MPRIP: variants seen among roughly 807,000 people sequenced by gnomAD.
MPRIP encodes myosin phosphatase Rho interacting protein.
A neutral mutation model predicts 234.9 loss-of-function variants in MPRIP; 59 were observed. The ratio of observed to expected loss-of-function variants is 0.25; its 90% CI spans 0.20 to 0.31. The LOEUF is 0.31. Ranked by LOEUF, MPRIP falls within the 10% of genes least tolerant of loss-of-function variation. MPRIP has a pLI of 1.00. For missense variants in MPRIP, 2,436 were observed against 3,071.0 expected (o/e 0.79, Z 4.89); for synonymous variants, 1,144 against 1,263.9 (o/e 0.91, Z 2.01).
chr17:17,084,673 T>C (rs2089545702), intron 3 of MPRIP, among the ~76,000 whole-genome samples: 1 of 152,142 alleles, frequency 6.6e-6, no homozygotes, highest in South Asian at 2.1e-4. Flanking sequence ...GGGTGGAAAA[T>C]AGGGCTTGCT....
chr17:17,108,487 TGA>T (rs1328091142), intron 3 of MPRIP, among the ~76,000 whole-genome samples: 1 of 152,242 alleles, frequency 6.6e-6, no homozygotes, highest in Admixed American at 6.5e-5. Context: ...GCCCTACATC[TGA>T]GAATTTAAAT....
chr17:17,092,802 A>G (rs981743298), intron 3 of MPRIP, among the ~76,000 whole-genome samples: 1 of 152,150 alleles, frequency 6.6e-6, no homozygotes, highest in Non-Finnish European at 1.5e-5. Context: ...GTAATGTCAA[A>G]GGACATCCAA....
chr17:17,175,470 A>G lies in MPRIP; in HGVS notation c.6870+58A>G, dbSNP rs781270464. 3.3e-6 allele frequency: 5 copies of G among 1,500,898 alleles called. No individual in the cohort carries two copies. In the East Asian group the frequency reaches 7.3e-5, roughly 22 times the overall value. 93.0% of individuals were successfully genotyped at this position (1,500,898 alleles called of 1,614,324 possible). ...GCTCTGCACCCAGGAACCCCAGGGG[A>G]GTGCAGCATGGCCCCTGTCTTACAG... On this transcript the variant is annotated intron_variant, in intron 20 of 23. Transcript: ENST00000651222.
chr17:17,071,838 G>C (rs937881056), intron 1 of MPRIP, among the ~76,000 whole-genome samples: 1 of 152,124 alleles, frequency 6.6e-6, no homozygotes, highest in East Asian at 1.9e-4. Context: ...AACAGGACTC[G>C]GGCCCCATCC....
At chr17:17,178,664 C>G (rs888496777) in intron 22 of MPRIP, 6 of 152,140 alleles carry the variant, frequency 3.9e-5, no homozygotes, top group African/African-American at 1.4e-4. Flanking sequence ...ACCTGTAATC[C>G]CAGCACTTTG....
At chr17:17,057,350 T>C (rs1035727306) in intron 1 of MPRIP, among the ~76,000 whole-genome samples, 26 of 152,366 alleles carry the variant, frequency 1.7e-4, no homozygotes, top group South Asian at 8.3e-4. Flanking sequence ...GTACACGCCT[T>C]CTTTCTTCCC....
chr17:17,086,612 T>C (rs2089596700), intron 3 of MPRIP, among the ~76,000 whole-genome samples: 1 of 152,102 alleles, frequency 6.6e-6, no homozygotes, highest in Non-Finnish European at 1.5e-5. Flanking sequence ...TTTAAGTTAT[T>C]TTGAAACACT....
chr17:17,103,708 G>T (rs546652574), intron 3 of MPRIP, among the ~76,000 whole-genome samples: 1 of 152,318 alleles, frequency 6.6e-6, no homozygotes, highest in Non-Finnish European at 1.5e-5. Flanking sequence ...CATCAGGGGT[G>T]GGGGCTGAAA....
At chr17:17,059,690 G>A (rs576644885) in intron 1 of MPRIP, among the ~76,000 whole-genome samples, 3 of 152,322 alleles carry the variant, frequency 2.0e-5, no homozygotes, top group Admixed American at 1.3e-4. Context: ...CTCCTTGTTG[G>A]TATTCCCAGA....
At chr17:17,073,839 A>G (rs2089261923) in intron 1 of MPRIP, among the ~76,000 whole-genome samples, 1 of 152,050 alleles carries the variant, frequency 6.6e-6, no homozygotes. Context: ...TGGGATTTCC[A>G]CCACATACTC....
chr17:17,141,197 A>C (rs576219879), intron 7 of MPRIP, among the ~76,000 whole-genome samples: 1 of 152,322 alleles, frequency 6.6e-6, no homozygotes, highest in South Asian at 2.1e-4. Flanking sequence ...AGTGTTGGGC[A>C]GAGGAGCCCT....
chr17:17,140,347 G>A (rs2090787009), intron 7 of MPRIP, among the ~76,000 whole-genome samples: 1 of 152,166 alleles, frequency 6.6e-6, no homozygotes, highest in Non-Finnish European at 1.5e-5. Flanking sequence ...TACTCTGCAT[G>A]CACTGCCACA....
intron 12 of MPRIP, among the ~76,000 whole-genome samples, chr17:17,151,733 A>G (rs140192024): frequency 3.3e-5 from 5 of 152,336 alleles, no homozygotes; most frequent in African/African-American, 9.6e-5. Flanking sequence ...GGAAATTCCA[A>G]GGTTTGGAAG....
intron 3 of MPRIP, among the ~76,000 whole-genome samples, chr17:17,124,516 G>A (rs1162607061): frequency 6.6e-6 from 1 of 152,182 alleles, no homozygotes; most frequent in African/African-American, 2.4e-5. Flanking sequence ...CAAGGACCAG[G>A]GTGGGAGTCA....
intron 3 of MPRIP, among the ~76,000 whole-genome samples, chr17:17,096,188 A>G (rs1259811953): frequency 1.3e-5 from 2 of 151,650 alleles, no homozygotes; most frequent in Non-Finnish European, 2.9e-5. Flanking sequence ...TTTCCATGCC[A>G]CTGTTCCCTG....
chr17:17,175,041 T>A (rs1195641727), intron 19 of MPRIP, among the ~76,000 whole-genome samples: 1 of 152,198 alleles, frequency 6.6e-6, no homozygotes, highest in Non-Finnish European at 1.5e-5. Context: ...ATGAGGCTGC[T>A]CAGGCAGGAC....
chr17:17,115,584 G>A (rs1336657505), intron 3 of MPRIP, among the ~76,000 whole-genome samples: 2 of 152,294 alleles, frequency 1.3e-5, no homozygotes, highest in South Asian at 2.1e-4. Context: ...TGTCTTTGAG[G>A]ATATTCACGT....
Position 17,158,554 on chromosome 17 carries a change from A to G in MPRIP, c.1952A>G (p.Glu651Gly), listed in dbSNP as rs1482802339. The change falls in exon 14 of 24, where the codon GAG (glutamate) becomes GGG (glycine). Residue 651 changes from glutamate (E) to glycine (G), a missense_variant. Glu to Gly is a moderately conservative substitution (Grantham distance 98, BLOSUM62 -2). This residue lies in a region of MPRIP where 1,998 missense variants were observed against 2,520.3 expected (regional missense o/e 0.79). Transcript: ENST00000651222. ...DPEQKRSRAR[E>G]RRREGRSKTF... is the part of the protein sequence containing the mutation. ...GAGCAGAAGAGGAGCCGCGCACGGG[A>G]GCGGAGGCGAGAGGGCCGCTCCAAG... 2 of 1,611,596 alleles carry G rather than the reference A, an allele frequency of 1.2e-6. No individual in the cohort carries two copies. Among genetic ancestry groups the G allele is most frequent in the Admixed American group, 1.7e-5 (1 of 59,982 alleles).
chr17:17,095,400 C>G (rs1329519347), intron 3 of MPRIP, among the ~76,000 whole-genome samples: 2 of 152,226 alleles, frequency 1.3e-5, no homozygotes, highest in East Asian at 3.9e-4. Context: ...GGGAGAGACC[C>G]TAGAATGTCC....
Sources: gnomAD v4.1 joint callset for allele counts (sites outside exome capture counted in the v4.1 genomes callset) on GRCh38, gnomAD v4.1.1 for gene constraint, gnomAD v4.1.1 regional missense constraint, MANE v1.5 for transcripts, NCBI Gene and HGNC (gene_info 2026-07-23, HGNC 2026-07-21) for gene names.